ADARB1: variants seen among roughly 807,000 people sequenced by gnomAD.
ADARB1 encodes the protein adenosine deaminase RNA specific B1, also known as double-stranded RNA-specific editase 1.
A neutral mutation model predicts 52.4 loss-of-function variants in ADARB1; 10 were observed. The observed-to-expected ratio is 0.19, with a 90% CI of 0.12 to 0.32. ADARB1 has a LOEUF of 0.32. ADARB1 is among the 10% of genes least tolerant of loss of function. ADARB1 has a pLI of 1.00. For synonymous variants in ADARB1, 349 were observed against 371.1 expected, an observed-to-expected ratio of 0.94 and a Z score of 0.68; for missense variants, 643 against 922.3, an observed-to-expected ratio of 0.70 and a Z score of 3.92.
intron 1 of ADARB1, among the ~76,000 whole-genome samples, chr21:45,085,955 G>T (rs949180105): frequency 1.3e-5 from 2 of 152,340 alleles, no homozygotes; most frequent in Middle Eastern, 6.8e-3. Flanking sequence ...TGTGGCACAG[G>T]CAAGAAGTGC....
intron 9 of ADARB1, among the ~76,000 whole-genome samples, chr21:45,214,192 A>G (rs2092820695): frequency 6.6e-6 from 1 of 152,202 alleles, no homozygotes; most frequent in Non-Finnish European, 1.5e-5. Flanking sequence ...CTTCTTCAAT[A>G]AACTGTTCAA....
chr21:45,077,972 C>CCGCA (rs1472970977), intron 1 of ADARB1, among the ~76,000 whole-genome samples: 1 of 152,182 alleles, frequency 6.6e-6, no homozygotes, highest in Non-Finnish European at 1.5e-5. Context: ...GCAGGGCTTA[C>CCGCA]CGCACCTTCC....
intron 6 of ADARB1, 94 bp downstream of exon 6, chr21:45,182,847 C>G (rs1242456100): frequency 1.7e-5 from 20 of 1,186,176 alleles, no homozygotes; most frequent in Non-Finnish European, 2.2e-5. Context: ...TTTCTGTAAT[C>G]ATGGAAAATC....
rs2086455393 is a variant in ADARB1 at position 45,088,971 on chromosome 21, C to T, written c.-220+14178C>T. 1.3e-5 allele frequency among the ~76,000 whole-genome samples: 2 copies of T among 152,062 alleles called. 1 individual carries two copies. Among genetic ancestry groups the T allele is most frequent in the Admixed American group, 1.3e-4 (2 of 15,262 alleles). On this transcript the variant is annotated intron_variant, in intron 1 of 10. Coordinates refer to ENST00000348831, the MANE Select transcript of ADARB1 (RefSeq NM_001112.4). ...CTCATCAGTGTTCCTCAGAAGTGTC[C>T]AGGTCATGAACACTGGAAACACCGA...
chr21:45,108,664 G>A (rs1044402979), intron 1 of ADARB1, among the ~76,000 whole-genome samples: 1 of 152,174 alleles, frequency 6.6e-6, no homozygotes. Flanking sequence ...TTAAATTTAG[G>A]TAACACACCT....
chr21:45,196,296 G>GA (rs1187460241), intron 8 of ADARB1, among the ~76,000 whole-genome samples: 88 of 140,224 alleles, frequency 6.3e-4, no homozygotes, highest in East Asian at 3.1e-3. Context: ...TCCCTGTGCA[G>GA]AAAAAAAAAA....
chr21:45,079,918 G>A (rs1379184602), intron 1 of ADARB1, among the ~76,000 whole-genome samples: 1 of 152,132 alleles, frequency 6.6e-6, no homozygotes, highest in Non-Finnish European at 1.5e-5. Flanking sequence ...GGAATGGCCT[G>A]GGAGCTTTTG....
chr21:45,085,060 C>T (rs185075905), intron 1 of ADARB1, among the ~76,000 whole-genome samples: 1 of 152,238 alleles, frequency 6.6e-6, no homozygotes, highest in African/African-American at 2.4e-5. Context: ...CCTGGGCTGC[C>T]GGATGCCGCT....
chr21:45,135,358 GTCTGCATCC>G (rs1251838828), intron 2 of ADARB1, among the ~76,000 whole-genome samples: 1 of 152,270 alleles, frequency 6.6e-6, no homozygotes, highest in East Asian at 1.9e-4. Context: ...ACTGTCAGCT[GTCTGCATCC>G]TCCTGGCACC....
intron 2 of ADARB1, among the ~76,000 whole-genome samples, chr21:45,154,849 C>G (rs2090474406): frequency 1.3e-5 from 2 of 152,216 alleles, no homozygotes; most frequent in South Asian, 4.1e-4. Flanking sequence ...AGCCACAGGG[C>G]AGGATTCTGA....
chr21:45,225,165 G>A lies in ADARB1; in HGVS notation c.*2968G>A. The A allele has an allele frequency of 9.7e-7, 1 of 1,032,276 alleles. No individual in the cohort carries two copies. The highest frequency in any genetic ancestry group is 4.6e-5 in the South Asian group (1 of 21,700). 63.9% of individuals were successfully genotyped at this position (1,032,276 alleles called of 1,614,324 possible). Reference sequence around the variant, plus strand: ...GACCACTCAGGTACAGCTCTGCCAGGGACAGAGTCCTGCTAGTGGGAGGTC... The same window carrying A: ...GACCACTCAGGTACAGCTCTGCCAGAGACAGAGTCCTGCTAGTGGGAGGTC... On this transcript the variant is annotated 3_prime_UTR_variant, in exon 11 of 11. Transcript: ENST00000348831.
chr21:45,150,812 T>A (rs903615015), intron 2 of ADARB1, among the ~76,000 whole-genome samples: 1 of 152,266 alleles, frequency 6.6e-6, no homozygotes, highest in African/African-American at 2.4e-5. Context: ...CATGCCCTGG[T>A]GGCTCTTGTC....
chr21:45,162,140 C>T (rs964826384), intron 2 of ADARB1, among the ~76,000 whole-genome samples: 12 of 152,194 alleles, frequency 7.9e-5, no homozygotes, highest in Non-Finnish European at 1.6e-4. Flanking sequence ...AGCTGCAGCC[C>T]TTCAAGGAGC....
At chr21:45,151,252 A>G (rs536028969) in intron 2 of ADARB1, among the ~76,000 whole-genome samples, 1 of 152,358 alleles carries the variant, frequency 6.6e-6, no homozygotes, top group African/African-American at 2.4e-5. Flanking sequence ...TGCTGAGGCA[A>G]TAGAAAATGA....
chr21:45,176,101 G>A lies in ADARB1; in HGVS notation c.400G>A (p.Ala134Thr), dbSNP rs1186723481. The change falls in exon 4 of 11, where the codon GCT (alanine) becomes ACT (threonine). Residue 134 changes from alanine (A) to threonine (T), a missense_variant. By Grantham distance (58) the Ala-to-Thr change is moderately conservative. Coordinates refer to ENST00000348831, the MANE Select transcript of ADARB1 (RefSeq NM_001112.4). This position sits in a 1 kb window ranked among gnomAD's most constrained non-coding sequence, Gnocchi z 5.8. ...CACAAAGAAAAAGGCAAAACTCCAT[G>A]CTGCTGAGAAGGCCTTGAGGTCTTT... ...GPTKKKAKLH[A>T]AEKALRSFVQ... 6.2e-7 allele frequency: 1 copy of A among 1,613,990 alleles called. No homozygotes were observed. The highest frequency in any genetic ancestry group is 1.1e-5 in the South Asian group (1 of 91,060).
intron 2 of ADARB1, among the ~76,000 whole-genome samples, chr21:45,158,255 A>C (rs568720986): frequency 3.4e-4 from 51 of 151,700 alleles, no homozygotes; most frequent in African/African-American, 1.2e-3. Context: ...GGAGGGGGGA[A>C]CTCCCTTGTC....
chr21:45,207,340 T>G (rs1433952020), intron 9 of ADARB1, among the ~76,000 whole-genome samples: 1 of 152,186 alleles, frequency 6.6e-6, no homozygotes, highest in African/African-American at 2.4e-5. Context: ...GAAGACACCT[T>G]TAGACGAGGA....
chr21:45,083,715 G>A (rs1041281989), intron 1 of ADARB1, among the ~76,000 whole-genome samples: 4 of 151,896 alleles, frequency 2.6e-5, no homozygotes, highest in East Asian at 1.9e-4. Context: ...GTTTTTTTGC[G>A]ACAGCGTCTT....
chr21:45,124,803 G>GTA, intron 1 of ADARB1, among the ~76,000 whole-genome samples: 1 of 151,434 alleles, frequency 6.6e-6, no homozygotes, highest in East Asian at 1.9e-4. Context: ...GTGTGTGTGT[G>GTA]TGTGTGTGTG....
Sources: gnomAD v4.1 joint callset for allele counts (sites outside exome capture counted in the v4.1 genomes callset) on GRCh38, gnomAD v4.1.1 for gene constraint, Gnocchi (gnomAD v3.1) non-coding constraint, MANE v1.5 for transcripts, NCBI Gene and HGNC (gene_info 2026-07-23, HGNC 2026-07-21) for gene names.